GRAP2: variants seen among roughly 807,000 people sequenced by gnomAD.
GRAP2 encodes GRB2 related adaptor protein 2.
Under a neutral mutation model 43.5 loss-of-function variants are expected in GRAP2, and 31 were observed. The observed-to-expected ratio is 0.71, with a 90% CI of 0.54 to 0.96. The LOEUF (loss-of-function observed/expected upper bound fraction) is 0.96, where lower values mean the gene tolerates loss of function less well. GRAP2 is among the 40% of genes least tolerant of loss of function. The pLI is 0.00. For synonymous variants in GRAP2, 156 were observed against 164.8 expected (o/e 0.95, Z 0.41); for missense variants, 371 against 424.4 (o/e 0.87, Z 1.11).
chr22:39,931,635 A>G (rs1397483289), intron 1 of GRAP2, among the ~76,000 whole-genome samples: 2 of 152,228 alleles, frequency 1.3e-5, no homozygotes, highest in African/African-American at 4.8e-5. Context: ...TGCAGATGCC[A>G]AGCATGGAAA....
chr22:39,950,299 T>C (rs982284073), intron 2 of GRAP2, among the ~76,000 whole-genome samples: 1 of 152,254 alleles, frequency 6.6e-6, no homozygotes, highest in African/African-American at 2.4e-5. Flanking sequence ...CAGGCACTTA[T>C]GACTTTGCCT....
chr22:39,919,659 A>G (rs1160287542), intron 1 of GRAP2, among the ~76,000 whole-genome samples: 6 of 152,200 alleles, frequency 3.9e-5, no homozygotes, highest in African/African-American at 1.4e-4. Flanking sequence ...TCCTTGAATT[A>G]CAGGTTACTG....
upstream of GRAP2, among the ~76,000 whole-genome samples, chr22:39,898,314 C>T (rs1221858544): frequency 6.6e-6 from 1 of 152,170 alleles, no homozygotes; most frequent in Admixed American, 6.5e-5. Context: ...TTCTGTTTCT[C>T]CCTTTACCAG....
intron 1 of GRAP2, among the ~76,000 whole-genome samples, chr22:39,903,107 G>A (rs2066502945): frequency 6.6e-6 from 1 of 152,132 alleles, no homozygotes; most frequent in South Asian, 2.1e-4. Flanking sequence ...CTTTTTTCCT[G>A]GGTCAAGAAA....
At chr22:39,959,749 A>C (rs1034046105) in intron 3 of GRAP2, among the ~76,000 whole-genome samples, 1 of 152,164 alleles carries the variant, frequency 6.6e-6, no homozygotes, top group Non-Finnish European at 1.5e-5. Flanking sequence ...TGCTTCCTGC[A>C]GTGAGTCACT....
At chr22:39,943,008 G>T (rs1281016871) in intron 1 of GRAP2, among the ~76,000 whole-genome samples, 1 of 152,188 alleles carries the variant, frequency 6.6e-6, no homozygotes, top group Non-Finnish European at 1.5e-5. Flanking sequence ...TTCTCTCACT[G>T]GGTCCTGAGC....
At chr22:39,899,196 A>AT (rs1182943161), upstream of GRAP2, among the ~76,000 whole-genome samples, 9 of 152,114 alleles carry the variant, frequency 5.9e-5, no homozygotes, top group Non-Finnish European at 1.3e-4. Context: ...TGCCTTTGAG[A>AT]TTTTTCTGTT....
chr22:39,948,540 CTT>C (rs1216576343), intron 2 of GRAP2: 1 of 150,088 alleles, frequency 6.7e-6, no homozygotes, highest in Non-Finnish European at 1.5e-5. Flanking sequence ...AAAAAAAAAA[CTT>C]TGCTCAACTC....
chr22:39,929,825 C>A (rs2066739528), intron 1 of GRAP2, among the ~76,000 whole-genome samples: 1 of 152,186 alleles, frequency 6.6e-6, no homozygotes, highest in Non-Finnish European at 1.5e-5. Flanking sequence ...AGATCATTCA[C>A]AAGCATTTCA....
chr22:39,933,983 A>G (rs2066782149), intron 1 of GRAP2, among the ~76,000 whole-genome samples: 1 of 152,182 alleles, frequency 6.6e-6, no homozygotes, highest in Non-Finnish European at 1.5e-5. Context: ...ACAAAAGGAA[A>G]GTCTATGGCT....
chr22:39,918,727 A>G (rs1419155323), intron 1 of GRAP2, among the ~76,000 whole-genome samples: 1 of 152,254 alleles, frequency 6.6e-6, no homozygotes. Flanking sequence ...TTTTAAGGGC[A>G]GTCTCAGCAT....
At chr22:39,935,461 G>A (rs1323756241) in intron 1 of GRAP2, among the ~76,000 whole-genome samples, 1 of 152,022 alleles carries the variant, frequency 6.6e-6, no homozygotes, top group Non-Finnish European at 1.5e-5. Context: ...TTTTAAACAA[G>A]ACAAATACAA....
intron 4 of GRAP2, among the ~76,000 whole-genome samples, chr22:39,962,743 C>T (rs903458251): frequency 1.3e-5 from 2 of 152,130 alleles, no homozygotes; most frequent in African/African-American, 2.4e-5. Context: ...CTGCAACCTC[C>T]GCCTCCCAGG....
intron 3 of GRAP2, 136 bp downstream of exon 3, chr22:39,956,046 T>C: frequency 1.7e-6 from 1 of 600,118 alleles, no homozygotes; most frequent in South Asian, 2.0e-5. Flanking sequence ...CCGGAGAGCC[T>C]CCAGAGCATG....
At position 39,901,319 on chromosome 22, in the gene GRAP2, C is replaced by G. The variant is rs2066491195; in HGVS notation, c.-26C>G. On this transcript the variant is annotated 5_prime_UTR_variant, in exon 1 of 8. Transcript: ENST00000344138. ...AGCCAAGACATAAACTCAACCCCTT[C>G]TCTTCCAAAAGGTATGTCATTATAC... The G allele has an allele frequency of 8.1e-7, 1 of 1,229,168 alleles. No individual in the cohort carries two copies. Among genetic ancestry groups the G allele is most frequent in the African/African-American group, 1.5e-5 (1 of 64,644 alleles). The allele number at this position is 1,229,168 out of a possible 1,614,324, so 76.1% of individuals were successfully genotyped here.
At chr22:39,907,009 A>T (rs1056346079) in intron 1 of GRAP2, among the ~76,000 whole-genome samples, 1 of 152,216 alleles carries the variant, frequency 6.6e-6, no homozygotes, top group Admixed American at 6.5e-5. Context: ...AACAAAATGT[A>T]AAGTCTGATA....
intron 2 of GRAP2, chr22:39,947,420 A>G (rs956022384): frequency 3.8e-6 from 2 of 521,646 alleles, no homozygotes; most frequent in Non-Finnish European, 6.9e-6. Context: ...AGGGGAACAC[A>G]TCCACCCAAA....
At chr22:39,947,361 C>T (rs1272347801) in intron 2 of GRAP2, 177 bp downstream of exon 2, 6 of 601,894 alleles carry the variant, frequency 1.0e-5, no homozygotes, top group Non-Finnish European at 1.5e-5. Flanking sequence ...GATGGAAATA[C>T]AGTCGGCATA....
At chr22:39,953,180 G>C (rs758667101) in intron 2 of GRAP2, among the ~76,000 whole-genome samples, 63 of 152,066 alleles carry the variant, frequency 4.1e-4, no homozygotes, top group Non-Finnish European at 2.9e-4. Flanking sequence ...GAAACCCCAA[G>C]CCCCAACCTT....
Sources: gnomAD v4.1 joint callset for allele counts (sites outside exome capture counted in the v4.1 genomes callset) on GRCh38, gnomAD v4.1.1 for gene constraint, MANE v1.5 for transcripts, NCBI Gene and HGNC (gene_info 2026-07-23, HGNC 2026-07-21) for gene names.